MAP7: variants seen among roughly 807,000 people sequenced by gnomAD.
The protein encoded by MAP7 is microtubule associated protein 7.
Under a neutral mutation model 94.8 loss-of-function variants are expected in MAP7, and 52 were observed. The observed-to-expected ratio is 0.55, with a 90% CI of 0.44 to 0.69. The LOEUF is 0.69. Among genes scored for constraint, MAP7 ranks in the 30% least tolerant of loss-of-function variants. The pLI is 0.00. For missense variants in MAP7, 940 were observed against 964.6 expected (o/e 0.97, Z 0.34); for synonymous variants, 350 against 357.0 (o/e 0.98, Z 0.22).
At chr6:136,466,913 T>C in intron 1 of MAP7, 2 of 1,475,740 alleles carry the variant, frequency 1.4e-6, no homozygotes, top group Admixed American at 2.2e-5. Flanking sequence ...CTATTATCTC[T>C]CACACAGCTT....
At chr6:136,381,224 G>A (rs1039592915) in intron 6 of MAP7, among the ~76,000 whole-genome samples, 3 of 151,918 alleles carry the variant, frequency 2.0e-5, no homozygotes, top group African/African-American at 7.3e-5. Flanking sequence ...TATTGCCCAG[G>A]CTGGAGTACA....
rs1779755331 is a variant in MAP7, at chr6:136,388,410, G to C, written c.509C>G (p.Pro170Arg). The change falls in exon 5 of 18, where the codon CCT (proline) becomes CGT (arginine). Residue 170 changes from proline (P) to arginine (R), a missense_variant. Pro to Arg is a moderately radical substitution (Grantham distance 103, BLOSUM62 -2). Transcript: ENST00000354570. ...CTGTTTACCTGCACTGTGGATGCTA[G>C]GGCTCCCATGGAGAGAGCCTCCCCA... is the stretch of plus-strand genomic sequence containing the variant. ...WSWGGSLHGS[P>R]SIHSADPDRR... 1 of 1,613,552 alleles carries C rather than the reference G, an allele frequency of 6.2e-7. No homozygotes were observed. The highest frequency in any genetic ancestry group is 1.7e-5 in the Admixed American group (1 of 60,008).
intron 1 of MAP7, among the ~76,000 whole-genome samples, chr6:136,549,049 T>C (rs1048842975): frequency 6.6e-6 from 1 of 152,248 alleles, no homozygotes; most frequent in African/African-American, 2.4e-5. Flanking sequence ...CAAGATACTT[T>C]GTCAGTCTTA....
chr6:136,368,860 A>G (rs1467562078), intron 8 of MAP7, among the ~76,000 whole-genome samples: 1 of 152,252 alleles, frequency 6.6e-6, no homozygotes, highest in Non-Finnish European at 1.5e-5. Flanking sequence ...TGCATTCCCT[A>G]TTGAAATCCC....
At chr6:136,461,067 C>T (rs1187435322) in intron 1 of MAP7, among the ~76,000 whole-genome samples, 1 of 152,134 alleles carries the variant, frequency 6.6e-6, no homozygotes, top group Non-Finnish European at 1.5e-5. Context: ...CTAACAGCTC[C>T]ATTTTATCCC....
At chr6:136,436,312 T>C (rs562379994) in intron 1 of MAP7, among the ~76,000 whole-genome samples, 56 of 152,300 alleles carry the variant, frequency 3.7e-4, no homozygotes, top group Non-Finnish European at 6.6e-4. Flanking sequence ...GTAACAAATA[T>C]TTGTCAGCAA....
At chr6:136,497,367 T>C (rs535673864) in intron 1 of MAP7, among the ~76,000 whole-genome samples, 4 of 151,984 alleles carry the variant, frequency 2.6e-5, no homozygotes, top group South Asian at 2.1e-4. Context: ...GCAGTGTAAA[T>C]TGGTAGTTTA....
chr6:136,518,654 G>A (rs375440599), intron 1 of MAP7, among the ~76,000 whole-genome samples: 1 of 152,216 alleles, frequency 6.6e-6, no homozygotes, highest in African/African-American at 2.4e-5. Flanking sequence ...CACCTTCATT[G>A]CTCTTAAGTT....
At chr6:136,515,969 C>G (rs866117390) in intron 1 of MAP7, among the ~76,000 whole-genome samples, 2 of 152,080 alleles carry the variant, frequency 1.3e-5, no homozygotes, top group African/African-American at 4.8e-5. Context: ...TACGTGCATA[C>G]TAGACTCTGT....
intron 1 of MAP7, among the ~76,000 whole-genome samples, chr6:136,460,019 C>G (rs1209546971): frequency 6.6e-6 from 1 of 152,126 alleles, no homozygotes. Context: ...GTTGACTCCA[C>G]AATCCCACTT....
At chr6:136,522,494 T>C (rs1826678617) in intron 1 of MAP7, among the ~76,000 whole-genome samples, 1 of 152,158 alleles carries the variant, frequency 6.6e-6, no homozygotes, top group Admixed American at 6.5e-5. Flanking sequence ...CCTGAAAAGA[T>C]GGTACTCATC....
intron 1 of MAP7, among the ~76,000 whole-genome samples, chr6:136,456,445 G>A (rs1802881119): frequency 6.6e-6 from 1 of 152,014 alleles, no homozygotes; most frequent in Non-Finnish European, 1.5e-5. Context: ...GCCAAGGTGG[G>A]AGAATTGCTT....
intron 1 of MAP7, among the ~76,000 whole-genome samples, chr6:136,443,480 C>G (rs1324645352): frequency 8.6e-6 from 1 of 115,762 alleles, no homozygotes; most frequent in African/African-American, 3.5e-5. Context: ...GAGATGGAGT[C>G]TTGCTCTGTC....
intron 1 of MAP7, among the ~76,000 whole-genome samples, chr6:136,447,753 A>C (rs1799776889): frequency 1.3e-5 from 2 of 152,388 alleles, no homozygotes; most frequent in South Asian, 4.1e-4. Context: ...CCTGAAAGTC[A>C]TCACCTAAAA....
chr6:136,463,846 T>A (rs868540857), intron 1 of MAP7, among the ~76,000 whole-genome samples: 1 of 152,226 alleles, frequency 6.6e-6, no homozygotes. Context: ...CATTCTGTCT[T>A]CTTGGTAAAG....
chr6:136,356,848 C>T (rs1791120864), intron 15 of MAP7, 54 bp from the exon 16 acceptor site: 6 of 1,425,718 alleles, frequency 4.2e-6, no homozygotes, highest in East Asian at 2.3e-5. Flanking sequence ...TTTTCTTAGA[C>T]CTAACCTCCA....
At chr6:136,400,768 C>T (rs1293722716) in intron 3 of MAP7, among the ~76,000 whole-genome samples, 2 of 152,176 alleles carry the variant, frequency 1.3e-5, no homozygotes, top group African/African-American at 4.8e-5. Flanking sequence ...GACTCGAAAG[C>T]TTGTACTCAG....
chr6:136,409,254 G>A (rs1044651374), intron 3 of MAP7, among the ~76,000 whole-genome samples: 7 of 152,124 alleles, frequency 4.6e-5, no homozygotes, highest in Admixed American at 3.9e-4. Context: ...GTGTGGTGAC[G>A]TGAGTCTGTA....
In MAP7 at chr6:136,344,221, G is replaced by A; in HGVS notation, c.*7C>T. 2.3e-6 allele frequency: 3 copies of A among 1,325,046 alleles called. No individual in the cohort carries two copies. The highest frequency in any genetic ancestry group is 1.7e-5 in the South Asian group (1 of 57,734). The allele number at this position is 1,325,046 out of a possible 1,614,324, so 82.1% of individuals were successfully genotyped here. A position where few individuals can be genotyped will look rare whatever the true frequency, so the allele number is the denominator to read the frequency against. On this transcript the variant is annotated 3_prime_UTR_variant, in exon 18 of 18. Transcript: ENST00000354570. ...AAATTTCAGCTTTGGTTCTTCAGAA[G>A]AAACACTCATATAACTTCTACATGA...
Sources: gnomAD v4.1 joint callset for allele counts (sites outside exome capture counted in the v4.1 genomes callset) on GRCh38, gnomAD v4.1.1 for gene constraint, MANE v1.5 for transcripts, NCBI Gene and HGNC (gene_info 2026-07-23, HGNC 2026-07-21) for gene names.